KANSL3: variants seen among roughly 807,000 people sequenced by gnomAD.
KANSL3 encodes NSL complex protein NSL3.
KANSL3 carries 16 observed loss-of-function variants against 89.2 expected under a neutral mutation model. The ratio of observed to expected loss-of-function variants is 0.18; its 90% CI spans 0.12 to 0.27. The LOEUF is 0.27. Among genes scored for constraint, KANSL3 ranks in the 10% least tolerant of loss-of-function variants. KANSL3 has a pLI of 1.00. For synonymous variants in KANSL3, 385 were observed against 419.7 expected (o/e 0.92, Z 1.01); for missense variants, 879 against 1,110.6 (o/e 0.79, Z 2.96).
At chr2:96,589,263 T>G (rs1416341791), downstream of KANSL3, among the ~76,000 whole-genome samples, 1 of 152,138 alleles carries the variant, frequency 6.6e-6, no homozygotes, top group African/African-American at 2.4e-5. Context: ...ATTAAAAGAA[T>G]GATATTGGTA....
intron 7 of KANSL3, 106 bp from the exon 8 acceptor site, chr2:96,612,669 G>T: frequency 8.7e-7 from 1 of 1,149,222 alleles, no homozygotes; most frequent in South Asian, 1.4e-5. Context: ...CATGAAAGAA[G>T]GATTAGAGGA....
chr2:96,628,183 C>T (rs2072745326), intron 3 of KANSL3: 3 of 1,280,600 alleles, frequency 2.3e-6, no homozygotes, highest in African/African-American at 1.5e-5. Context: ...CTCATCTTGC[C>T]TAGAGGAAAG....
intron 2 of KANSL3, among the ~76,000 whole-genome samples, chr2:96,635,972 C>T (rs1159768749): frequency 6.0e-5 from 9 of 149,686 alleles, no homozygotes; most frequent in Admixed American, 4.0e-4. Flanking sequence ...CCAGCCTGGG[C>T]GACAGAGCAA....
At chr2:96,627,820 G>A (rs973543420) in intron 3 of KANSL3, 63 of 934,028 alleles carry the variant, frequency 6.7e-5, no homozygotes, top group Non-Finnish European at 5.8e-5. Flanking sequence ...GCTCCAAACA[G>A]GCTACAGATT....
At chr2:96,600,902 T>C in intron 20 of KANSL3, 3 of 985,350 alleles carry the variant, frequency 3.0e-6, no homozygotes, top group Non-Finnish European at 3.6e-6. Flanking sequence ...AGTATTATAC[T>C]TGGGGGCCGA....
chr2:96,616,592 T>C (rs1469433297), intron 5 of KANSL3, among the ~76,000 whole-genome samples: 1 of 152,192 alleles, frequency 6.6e-6, no homozygotes, highest in Admixed American at 6.5e-5. Flanking sequence ...CCTATAATCA[T>C]TTATATCCTT....
At chr2:96,599,342 G>A (rs2066866470) in intron 20 of KANSL3, among the ~76,000 whole-genome samples, 2 of 152,346 alleles carry the variant, frequency 1.3e-5, no homozygotes, top group South Asian at 2.1e-4. Context: ...GGATGGTGGT[G>A]ATGGCTGTAC....
At chr2:96,633,784 G>T (rs2073855327) in intron 2 of KANSL3, among the ~76,000 whole-genome samples, 2 of 151,976 alleles carry the variant, frequency 1.3e-5, no homozygotes, top group Admixed American at 1.3e-4. Context: ...AGAATTGCTT[G>T]AATCCGGGAG....
intron 14 of KANSL3, among the ~76,000 whole-genome samples, chr2:96,607,536 G>A (rs1243855189): frequency 1.3e-5 from 2 of 152,202 alleles, no homozygotes; most frequent in African/African-American, 4.8e-5. Context: ...TGTCCACACG[G>A]GACTTGGCTC....
At chr2:96,587,885 T>C in the KANSL3 span, among the ~76,000 whole-genome samples, 1 of 151,776 alleles carries the variant, frequency 6.6e-6, no homozygotes, top group African/African-American at 2.4e-5. Context: ...AATCAATGAA[T>C]AGGCTCAACA....
intron 11 of KANSL3, chr2:96,610,505 C>G: frequency 5.4e-6 from 2 of 372,254 alleles, no homozygotes; most frequent in Non-Finnish European, 1.0e-5. Flanking sequence ...TTAGTAGAGA[C>G]GGGGTTTCAC....
chr2:96,597,339 C>T (rs1464591816), intron 20 of KANSL3, among the ~76,000 whole-genome samples: 2 of 152,170 alleles, frequency 1.3e-5, no homozygotes, highest in African/African-American at 2.4e-5. Context: ...GCCACCACAA[C>T]AGTCACTGAA....
chr2:96,582,982 C>T, the KANSL3 span, among the ~76,000 whole-genome samples: 1 of 152,214 alleles, frequency 6.6e-6, no homozygotes, highest in Non-Finnish European at 1.5e-5. Flanking sequence ...CTGAGGCTCA[C>T]TCTCTTCTTC....
At position 96,637,205 on chromosome 2, in the gene KANSL3, T is replaced by G. The variant is rs902482640; in HGVS notation, c.-50-20A>C. ...AGTCACCTGCAGTGAAAAGTTTCAG[T>G]TTAGGTCAATTCCAATATCCTAAAT... On this transcript the variant is annotated intron_variant, in intron 1 of 20. Transcript: ENST00000431828. The G allele has an allele frequency of 7.3e-5, 71 of 972,006 alleles. No individual in the cohort carries two copies. The African/African-American group carries it at 1.0e-3, about 14-fold the overall frequency. The allele number at this position is 972,006 out of a possible 1,614,324, so 60.2% of individuals were successfully genotyped here. A position where few individuals can be genotyped will look rare whatever the true frequency, so the allele number is the denominator to read the frequency against.
Position 96,602,318 on chromosome 2 carries a change from G to T in KANSL3, c.2280C>A (p.Pro760=), listed in dbSNP as rs2067297389. 1 of 1,609,984 alleles carries T rather than the reference G, an allele frequency of 6.2e-7. No homozygotes were observed. The highest frequency in any genetic ancestry group is 8.5e-7 in the Non-Finnish European group (1 of 1,178,478). The part of the protein sequence containing the change: ...PAPQATSVKL[P]TPMQSLGAIT... ...TGGCACCCAGGCTCTGCATGGGGGT[G>T]GGCAACTTCACACTGGTGGCCTGTG... is the stretch of plus-strand genomic sequence containing the variant. The change falls in exon 19 of 21, where the codon CCC becomes CCA. Residue 760 remains proline (P), a synonymous_variant. Coordinates refer to ENST00000431828, the MANE Select transcript of KANSL3 (RefSeq NM_001115016.3).
At chr2:96,606,832 CA>C (rs932732296) in intron 14 of KANSL3, 28 of 392,412 alleles carry the variant, frequency 7.1e-5, no homozygotes, top group African/African-American at 5.3e-4. Flanking sequence ...GTCAGCAAAA[CA>C]AAAGAATACA....
chr2:96,613,451 T>C, intron 6 of KANSL3, 37 bp downstream of exon 6: 2 of 1,560,654 alleles, frequency 1.3e-6, no homozygotes, highest in Non-Finnish European at 1.7e-6. Flanking sequence ...CTAAAATTTT[T>C]ATGTACCATT....
At chr2:96,617,982 CAAA>C (rs540064575) in intron 5 of KANSL3, among the ~76,000 whole-genome samples, 6 of 71,784 alleles carry the variant, frequency 8.4e-5, no homozygotes, top group Admixed American at 4.7e-4. Flanking sequence ...GACTTTGTCT[CAAA>C]AAAAAAAAAA....
downstream of KANSL3, chr2:96,593,111 T>G (rs984339071): frequency 2.6e-6 from 1 of 378,208 alleles, no homozygotes; most frequent in Non-Finnish European, 5.3e-6. Context: ...CCCACTTCAT[T>G]GGGTGGTTTC....
Sources: allele counts gnomAD v4.1 joint callset (sites outside exome capture counted in the v4.1 genomes callset), GRCh38; gene constraint gnomAD v4.1.1; transcripts MANE v1.5; gene names NCBI Gene and HGNC (gene_info 2026-07-23, HGNC 2026-07-21).